The following SGCD variants were observed in gnomAD, a reference collection of about 807,000 sequenced individuals.
SGCD encodes sarcoglycan delta.
In SGCD, 18 loss-of-function variants were observed where a neutral mutation model predicts 36.6. That is an observed-to-expected ratio of 0.49 (90% CI 0.34 to 0.73). SGCD has a LOEUF of 0.73. Ranked by LOEUF, SGCD falls within the 30% of genes least tolerant of loss-of-function variation. SGCD has a pLI of 0.01. For missense variants in SGCD, 387 were observed against 346.7 expected (o/e 1.12, Z -0.92); for synonymous variants, 133 against 130.6 (o/e 1.02, Z -0.12).
the SGCD span, among the ~76,000 whole-genome samples, chr5:155,745,512 ATACT>A: frequency 2.0e-5 from 3 of 152,122 alleles, no homozygotes; most frequent in African/African-American, 7.2e-5. Context: ...ATTTTATTAC[ATACT>A]TCAAAGAAAA....
intron 3 of SGCD, among the ~76,000 whole-genome samples, chr5:156,385,934 A>G (rs371722431): frequency 6.6e-6 from 1 of 152,226 alleles, no homozygotes; most frequent in Non-Finnish European, 1.5e-5. Flanking sequence ...GAATGAGGCC[A>G]GGTGGAGATG....
At position 156,760,710 on chromosome 5, in the gene SGCD, C is replaced by T. The variant is rs2113193027; in HGVS notation, c.*1320C>T. On this transcript the variant is annotated 3_prime_UTR_variant, in exon 9 of 9. Coordinates refer to ENST00000337851, the MANE Select transcript of SGCD (RefSeq NM_000337.6). ...CCTCTCATCACCCCACCTTCATCAT[C>T]ATGCTCCAGGGTCACCCTGGCCAGC... 6.5e-6 allele frequency: 1 copy of T among 152,848 alleles called. No individual in the cohort carries two copies. The highest frequency in any genetic ancestry group is 2.4e-5 in the African/African-American group (1 of 41,562). 9.5% of individuals were successfully genotyped at this position (152,848 alleles called of 1,614,324 possible). A position where few individuals can be genotyped will look rare whatever the true frequency, so the allele number is the denominator to read the frequency against.
At chr5:156,667,936 C>G (rs957841934) in intron 7 of SGCD, among the ~76,000 whole-genome samples, 1 of 152,152 alleles carries the variant, frequency 6.6e-6, no homozygotes, top group Non-Finnish European at 1.5e-5. Context: ...AACTACTGTG[C>G]TTACATTTAC....
At chr5:156,382,656 ATAT>A (rs1771049187) in intron 3 of SGCD, among the ~76,000 whole-genome samples, 1 of 152,190 alleles carries the variant, frequency 6.6e-6, no homozygotes, top group Admixed American at 6.5e-5. Context: ...TAGGGATATA[ATAT>A]TCTCTAAATC....
chr5:155,805,537 A>G, the SGCD span, among the ~76,000 whole-genome samples: 10 of 152,208 alleles, frequency 6.6e-5, no homozygotes, highest in African/African-American at 2.4e-4. Context: ...GCATTGGAGT[A>G]TGTTTAGCAG....
Position 156,395,748 on chromosome 5 carries a change from C to G in SGCD, c.192+51071C>G, listed in dbSNP as rs1055765247. Among the ~76,000 whole-genome samples the G allele has an allele frequency of 3.9e-5, 6 of 152,104 alleles. No homozygotes were observed. In the East Asian group the frequency reaches 9.6e-4, roughly 24 times the overall value. Reference sequence around the variant, plus strand: ...CATGATTTGTTAGGAAGGGGTAGAGCCTGGTTTCAGACACATATATATCTG... The same window carrying G: ...CATGATTTGTTAGGAAGGGGTAGAGGCTGGTTTCAGACACATATATATCTG... On this transcript the variant is annotated intron_variant, in intron 3 of 8. Transcript: ENST00000337851.
At chr5:156,332,488 C>T (rs936989196) in intron 2 of SGCD, among the ~76,000 whole-genome samples, 1 of 152,292 alleles carries the variant, frequency 6.6e-6, no homozygotes, top group South Asian at 2.1e-4. Context: ...TTTGTCTGCT[C>T]TATTTTTCTA....
rs79727420 is a variant in SGCD, at chr5:156,314,747, A to G, written c.-43-14787A>G. 6.4e-3 allele frequency among the ~76,000 whole-genome samples: 970 copies of G among 152,176 alleles called. 9 individuals are homozygous for G. Among genetic ancestry groups the G allele is most frequent in the African/African-American group, 0.018 (754 of 41,550 alleles). On this transcript the variant is annotated intron_variant, in intron 3 of 9. Coordinates refer to the SGCD transcript ENST00000517913. ...CAGAGGACTTAACATAGAACTGGGT[A>G]AAGAGGGAAGAGAGGGAAGAGAAGT...
Position 155,956,806 on chromosome 5 carries a change from C to CG in SGCD, c.-282+86382_-282+86383insG, listed in dbSNP as rs1045780798. On this transcript the variant is annotated intron_variant, in intron 1 of 9. Coordinates refer to the SGCD transcript ENST00000517913. Reference sequence around the variant, plus strand: ...TTTTGTTGGACTCAGGGCCCCCCCCCCCGGTTAATCCAGGATGATCTAATC... The same window carrying CG: ...TTTTGTTGGACTCAGGGCCCCCCCCCGCCGGTTAATCCAGGATGATCTAATC... Among the ~76,000 whole-genome samples the CG allele has an allele frequency of 8.5e-4, 127 of 150,060 alleles. 3 individuals are homozygous for CG. Among genetic ancestry groups the CG allele is most frequent in the Admixed American group, 4.3e-3 (65 of 15,098 alleles).
intron 3 of SGCD, among the ~76,000 whole-genome samples, chr5:156,414,666 A>G (rs1772935726): frequency 6.6e-6 from 1 of 152,222 alleles, no homozygotes; most frequent in African/African-American, 2.4e-5. Context: ...TTTTACAAAA[A>G]CAGGCGGTGG....
rs140273258 is a variant in SGCD, at chr5:156,548,153, G to A, written c.294+39451G>A. Among the ~76,000 whole-genome samples, 9 of 152,290 alleles carry A rather than the reference G, an allele frequency of 5.9e-5. No individual in the cohort carries two copies. In the East Asian group the frequency reaches 1.7e-3, roughly 29 times the overall value. On this transcript the variant is annotated intron_variant, in intron 4 of 8. Transcript: ENST00000337851. ...AATGTTTCTCTCCCAGAAACCACCA[G>A]GAATCCTCTTTTTAGGTGTTAATGG...
At chr5:155,821,112 A>G in the SGCD span, among the ~76,000 whole-genome samples, 1 of 152,300 alleles carries the variant, frequency 6.6e-6, no homozygotes, top group Middle Eastern at 3.4e-3. Context: ...AGAAAAAGCA[A>G]TAGAACAACT....
chr5:155,943,379 A>G (rs1757372522), intron 1 of SGCD, among the ~76,000 whole-genome samples: 1 of 151,490 alleles, frequency 6.6e-6, no homozygotes, highest in Non-Finnish European at 1.5e-5. Flanking sequence ...TTACTACATT[A>G]ATTAGTGAAA....
At chr5:156,492,017 A>G (rs947678294) in intron 3 of SGCD, among the ~76,000 whole-genome samples, 5 of 152,160 alleles carry the variant, frequency 3.3e-5, no homozygotes, top group African/African-American at 4.8e-5. Flanking sequence ...GTCTGTGACA[A>G]TGATGGCTAT....
At chr5:156,110,575 C>A (rs1761759021) in intron 1 of SGCD, among the ~76,000 whole-genome samples, 2 of 151,696 alleles carry the variant, frequency 1.3e-5, no homozygotes, top group African/African-American at 4.8e-5. Flanking sequence ...TTAGCATAAG[C>A]AAAATGAATT....
At chr5:156,643,499 C>A (rs1763118190) in intron 6 of SGCD, among the ~76,000 whole-genome samples, 1 of 151,978 alleles carries the variant, frequency 6.6e-6, no homozygotes. Flanking sequence ...TTCTGGTACA[C>A]AGAGTTTATC....
chr5:156,742,680 C>G (rs1246069554), intron 7 of SGCD, among the ~76,000 whole-genome samples: 1 of 152,158 alleles, frequency 6.6e-6, no homozygotes, highest in Admixed American at 6.5e-5. Context: ...TGTCTGCAAG[C>G]TGGAGATCCG....
the SGCD span, among the ~76,000 whole-genome samples, chr5:155,838,343 GC>G: frequency 6.6e-6 from 1 of 152,040 alleles, no homozygotes; most frequent in Non-Finnish European, 1.5e-5. Context: ...TGGTAGATAA[GC>G]CTGTTAAGTT....
chr5:156,667,559 G>A (rs532327714), intron 7 of SGCD, among the ~76,000 whole-genome samples: 2 of 152,276 alleles, frequency 1.3e-5, no homozygotes, highest in South Asian at 4.1e-4. Flanking sequence ...AACTATAGCG[G>A]ACCAAATAAC....
Sources: gnomAD v4.1 joint callset for allele counts (sites outside exome capture counted in the v4.1 genomes callset) on GRCh38, gnomAD v4.1.1 for gene constraint, MANE v1.5 for transcripts, NCBI Gene and HGNC (gene_info 2026-07-23, HGNC 2026-07-21) for gene names.